Variants in TPM2 observed in about 807,000 individuals in gnomAD.
TPM2 encodes the protein tropomyosin 2, also known as tropomyosin beta chain.
In TPM2, 26 loss-of-function variants were observed where a neutral mutation model predicts 41.0. The observed-to-expected ratio is 0.63, with a 90% CI of 0.46 to 0.88. TPM2 has a LOEUF of 0.88. Ranked by LOEUF, TPM2 falls within the 40% of genes least tolerant of loss-of-function variation. The probability of loss-of-function intolerance (pLI) is 0.00; values close to 1 mark genes in which losing one functional copy is unlikely to be tolerated. For missense variants in TPM2, 187 were observed against 355.2 expected (o/e 0.53, Z 3.81); for synonymous variants, 143 against 139.3 (o/e 1.03, Z -0.19).
chr9:35,685,616 C>T lies in TPM2; in HGVS notation c.374+31G>A, dbSNP rs1485502472. 1 of 1,614,158 alleles carries T rather than the reference C, an allele frequency of 6.2e-7. No individual in the cohort carries two copies. The highest frequency in any genetic ancestry group is 1.7e-5 in the Admixed American group (1 of 60,022). On this transcript the variant is annotated intron_variant, in intron 3 of 8. Transcript: ENST00000645482. The surrounding 1 kb of genome is among the most constrained non-coding windows in gnomAD (Gnocchi z 5.0). Reference sequence around the variant, plus strand: ...GCAGAGACAGGCTCCCTTCTCCCTCCCGGACCATCCTCCCCGAGGCCCCTG... The same window carrying T: ...GCAGAGACAGGCTCCCTTCTCCCTCTCGGACCATCCTCCCCGAGGCCCCTG...
At chr9:35,688,473 T>C (rs1825065898) in intron 2 of TPM2, among the ~76,000 whole-genome samples, 1 of 152,092 alleles carries the variant, frequency 6.6e-6, no homozygotes. Context: ...TGAAGTCTGG[T>C]TGGGGTTGTG....
At chr9:35,682,313 C>A, downstream of TPM2, 1 of 985,766 alleles carries the variant, frequency 1.0e-6, no homozygotes, top group Non-Finnish European at 1.5e-6. Flanking sequence ...CAGGGACAAA[C>A]AGATGGACTG....
chr9:35,687,233 G>A (rs759068244), intron 2 of TPM2, among the ~76,000 whole-genome samples: 12 of 152,214 alleles, frequency 7.9e-5, no homozygotes, highest in Non-Finnish European at 1.6e-4. Context: ...GGGATGTGTA[G>A]GGCGGGGGCT....
At position 35,683,388 on chromosome 9, in the gene TPM2, C is replaced by T. The variant is rs147443389; in HGVS notation, c.773-147G>A. 62 of 780,944 alleles carry T rather than the reference C, an allele frequency of 7.9e-5. No homozygotes were observed. The African/African-American group carries it at 9.1e-4, about 11-fold the overall frequency. The allele number at this position is 780,944 out of a possible 1,614,324, so 48.4% of individuals were successfully genotyped here. On this transcript the variant is annotated intron_variant, in intron 8 of 8. Transcript: ENST00000645482. Reference sequence around the variant, plus strand: ...TGAGAGAGGGAGGCCAGGGAACAGGCTGGACAGCTGTCAGGAACTCCTTCT... The same window carrying T: ...TGAGAGAGGGAGGCCAGGGAACAGGTTGGACAGCTGTCAGGAACTCCTTCT...
At chr9:35,682,768 G>A (rs1430218435), downstream of TPM2, 5 of 1,287,664 alleles carry the variant, frequency 3.9e-6, no homozygotes, top group Admixed American at 9.9e-5. Flanking sequence ...GCGACAGCCA[G>A]GGAGTGCCTG....
rs948103777 is a variant in TPM2, at chr9:35,683,100, T to C, written c.*59A>G. 2.1e-5 allele frequency: 32 copies of C among 1,551,344 alleles called. No homozygotes were observed. The highest frequency in any genetic ancestry group is 9.8e-5 in the Admixed American group (5 of 50,974). On this transcript the variant is annotated 3_prime_UTR_variant, in exon 9 of 9. Coordinates refer to ENST00000645482, the MANE Select transcript of TPM2 (RefSeq NM_003289.4). ...CTCCTCCTGCCTGCTCCCCTCCCCA[T>C]AGAGAGAATGGAAAGGAGAGGAGAG...
intron 7 of TPM2, 75 bp from the exon 8 acceptor site, chr9:35,684,390 C>T (rs1323630969): frequency 6.2e-6 from 10 of 1,610,916 alleles, no homozygotes; most frequent in Non-Finnish European, 8.5e-6. Flanking sequence ...AGTCAAGCTT[C>T]TTGTCCATCC....
chr9:35,685,838 G>A lies in TPM2; in HGVS notation c.241-58C>T. 6.2e-7 allele frequency: 1 copy of A among 1,612,340 alleles called. No homozygotes were observed. Among genetic ancestry groups the A allele is most frequent in the Non-Finnish European group, 8.5e-7 (1 of 1,179,614 alleles). ...TTGTTAGCCTTGGATAAGGATCAGAGAGGCTCCAGAGGATGGCGAGATTCT... is the reference window on the plus strand; with the variant it reads ...TTGTTAGCCTTGGATAAGGATCAGAAAGGCTCCAGAGGATGGCGAGATTCT... On this transcript the variant is annotated intron_variant, in intron 2 of 8. Coordinates refer to ENST00000645482, the MANE Select transcript of TPM2 (RefSeq NM_003289.4). The surrounding 1 kb of genome is among the most constrained non-coding windows in gnomAD (Gnocchi z 5.0).
chr9:35,684,056 A>C, intron 8 of TPM2, 190 bp downstream of exon 8: 1 of 637,212 alleles, frequency 1.6e-6, no homozygotes, highest in Middle Eastern at 2.6e-4. Context: ...TTTGAGAAGC[A>C]CTGGAGTTGT....
intron 8 of TPM2, 127 bp from the exon 9 acceptor site, chr9:35,683,368 G>C (rs773807399): frequency 3.2e-6 from 3 of 949,672 alleles, no homozygotes; most frequent in Non-Finnish European, 4.9e-6. Context: ...CAGAGTGAGA[G>C]AGGGAGGCCA....
chr9:35,685,901 T>C lies in TPM2; in HGVS notation c.241-121A>G. On this transcript the variant is annotated intron_variant, in intron 2 of 8. Transcript: ENST00000645482. The surrounding 1 kb of genome is among the most constrained non-coding windows in gnomAD (Gnocchi z 5.0). The stretch of plus-strand genomic sequence containing the variant: ...CTGAGGCTTCCTGGTTTCTAGACAT[T>C]CTATGTGATTTTTCCCCAACCAATC... The C allele has an allele frequency of 6.6e-7, 1 of 1,515,584 alleles. No homozygotes were observed. 93.9% of individuals were successfully genotyped at this position (1,515,584 alleles called of 1,614,324 possible). A position where few individuals can be genotyped will look rare whatever the true frequency, so the allele number is the denominator to read the frequency against.
At chr9:35,684,903 AGAAGAGCAAAGTTGTGAGAGTGACAGCAG>A in intron 5 of TPM2, 96 bp from the exon 6 acceptor site, 1 of 1,611,470 alleles carries the variant, frequency 6.2e-7, no homozygotes, top group Non-Finnish European at 8.5e-7. Flanking sequence ...AGGAGAGAAG[AGAAGAGCAAAGTTGTGAGAGTGACAGCAG>A]GCAGGGCTCA....
Position 35,685,810 on chromosome 9 carries a change from G to C in TPM2, c.241-30C>G. Reference sequence around the variant, plus strand: ...GGGTCAGAGGTCAGGGGTCAAAAAGGCCTTGTTAGCCTTGGATAAGGATCA... The same window carrying C: ...GGGTCAGAGGTCAGGGGTCAAAAAGCCCTTGTTAGCCTTGGATAAGGATCA... On this transcript the variant is annotated intron_variant, in intron 2 of 8. Transcript: ENST00000645482. This position sits in a 1 kb window ranked among gnomAD's most constrained non-coding sequence, Gnocchi z 5.0. 1 of 1,613,682 alleles carries C rather than the reference G, an allele frequency of 6.2e-7. No individual in the cohort carries two copies. The highest frequency in any genetic ancestry group is 2.2e-5 in the East Asian group (1 of 44,884).
chr9:35,682,034 T>C (rs760034591), downstream of TPM2: 2 of 1,597,790 alleles, frequency 1.3e-6, no homozygotes, highest in East Asian at 2.2e-5. Flanking sequence ...ATCAGTTTTA[T>C]TGGGTTGGGG....
At chr9:35,682,036 G>A (rs775996778), downstream of TPM2, 7 of 1,595,976 alleles carry the variant, frequency 4.4e-6, no homozygotes, top group Non-Finnish European at 6.0e-6. Flanking sequence ...CAGTTTTATT[G>A]GGTTGGGGTG....
Position 35,685,351 on chromosome 9 carries a change from G to C in TPM2, c.493-12C>G, listed in dbSNP as rs1362858415. 6.2e-7 allele frequency: 1 copy of C among 1,613,506 alleles called. No homozygotes were observed. Among genetic ancestry groups the C allele is most frequent in the East Asian group, 2.2e-5 (1 of 44,896 alleles). ...AGCTTCCTGGCCACCTGTGGGGAGT[G>C]AGAAAGAGAGGGTAGATCAGTGGAG... On this transcript the variant is annotated splice_polypyrimidine_tract_variant and intron_variant, in intron 4 of 8. Coordinates refer to ENST00000645482, the MANE Select transcript of TPM2 (RefSeq NM_003289.4). This position sits in a 1 kb window ranked among gnomAD's most constrained non-coding sequence, Gnocchi z 5.0.
Position 35,685,361 on chromosome 9 carries a change from G to A in TPM2, c.493-22C>T, listed in dbSNP as rs774170377. ...CCACCTGTGGGGAGTGAGAAAGAGA[G>A]GGTAGATCAGTGGAGAAGGACTGGG... On this transcript the variant is annotated intron_variant, in intron 4 of 8. Coordinates refer to ENST00000645482, the MANE Select transcript of TPM2 (RefSeq NM_003289.4). The surrounding 1 kb of genome is among the most constrained non-coding windows in gnomAD (Gnocchi z 5.0). 2 of 1,614,232 alleles carry A rather than the reference G, an allele frequency of 1.2e-6. No homozygotes were observed. The highest frequency in any genetic ancestry group is 4.5e-5 in the East Asian group (2 of 44,884).
At position 35,685,065 on chromosome 9, in the gene TPM2, T is replaced by C; in HGVS notation, c.563+204A>G. On this transcript the variant is annotated intron_variant, in intron 5 of 8. Coordinates refer to ENST00000645482, the MANE Select transcript of TPM2 (RefSeq NM_003289.4). The surrounding 1 kb of genome is among the most constrained non-coding windows in gnomAD (Gnocchi z 5.0). ...AGAAAGGTTCAGAGGGGTCACTACC[T>C]CCTCCTCTGAGGCCATCAGGGACTT... The C allele has an allele frequency of 6.2e-7, 1 of 1,614,104 alleles. No individual in the cohort carries two copies. Among genetic ancestry groups the C allele is most frequent in the Non-Finnish European group, 8.5e-7 (1 of 1,180,008 alleles).
At chr9:35,689,413 G>C (rs1348117307) in intron 1 of TPM2, 142 bp from the exon 2 acceptor site, 4 of 1,459,228 alleles carry the variant, frequency 2.7e-6, no homozygotes, top group Non-Finnish European at 3.6e-6. Flanking sequence ...GTACAGTCAA[G>C]GGTACTGGTG....
Sources: gnomAD v4.1 joint callset for allele counts (sites outside exome capture counted in the v4.1 genomes callset) on GRCh38, gnomAD v4.1.1 for gene constraint, Gnocchi (gnomAD v3.1) non-coding constraint, MANE v1.5 for transcripts, NCBI Gene and HGNC (gene_info 2026-07-23, HGNC 2026-07-21) for gene names.